ATP13A3: variants seen among roughly 807,000 people sequenced by gnomAD.
ATP13A3 encodes polyamine-transporting ATPase 13A3.
In ATP13A3, 59 loss-of-function variants were observed where a neutral mutation model predicts 158.1. The ratio of observed to expected loss-of-function variants is 0.37; its 90% CI spans 0.30 to 0.46. The LOEUF (loss-of-function observed/expected upper bound fraction) is 0.46, where lower values mean the gene tolerates loss of function less well. Ranked by LOEUF, ATP13A3 falls within the 20% of genes least tolerant of loss-of-function variation. The pLI is 1.00. For synonymous variants in ATP13A3, 491 were observed against 504.3 expected (o/e 0.97, Z 0.35); for missense variants, 1,166 against 1,525.2 (o/e 0.76, Z 3.92).
At chr3:194,462,835 C>T (rs978891055) in intron 2 of ATP13A3, among the ~76,000 whole-genome samples, 5 of 152,136 alleles carry the variant, frequency 3.3e-5, no homozygotes, top group East Asian at 1.9e-4. Context: ...TACTTAACTA[C>T]CACAAAACAT....
In ATP13A3 at chr3:194,448,729, TTA is replaced by T; in HGVS notation, c.971-95_971-94del. 1 of 1,146,046 alleles carries T rather than the reference TTA, an allele frequency of 8.7e-7. No homozygotes were observed. Among genetic ancestry groups the T allele is most frequent in the Non-Finnish European group, 1.2e-6 (1 of 822,236 alleles). The allele number at this position is 1,146,046 out of a possible 1,614,324, so 71.0% of individuals were successfully genotyped here. A position where few individuals can be genotyped will look rare whatever the true frequency, so the allele number is the denominator to read the frequency against. ...TCGAACACCAAAAAATATTAAATTG[TTA>T]AATATTTTAAATGCTACCATACTGT... On this transcript the variant is annotated intron_variant, in intron 11 of 33. Coordinates refer to ENST00000645319, the MANE Select transcript of ATP13A3 (RefSeq NM_001367549.1). This position sits in a 1 kb window ranked among gnomAD's most constrained non-coding sequence, Gnocchi z 4.0.
chr3:194,469,090 G>A (rs934330460), intron 2 of ATP13A3, among the ~76,000 whole-genome samples: 2 of 150,490 alleles, frequency 1.3e-5, no homozygotes, highest in South Asian at 2.1e-4. Flanking sequence ...CCAAGACTGC[G>A]CCACTGCACT....
intron 2 of ATP13A3, chr3:194,468,193 G>A (rs1720107835): frequency 6.6e-6 from 1 of 151,984 alleles, no homozygotes; most frequent in Non-Finnish European, 1.5e-5. Context: ...CAGAAGATGT[G>A]CCCTTCTGCC....
chr3:194,443,237 A>T lies in ATP13A3; in HGVS notation c.1559+1488T>A, dbSNP rs1306860286. Reference sequence around the variant, plus strand: ...GGAAGGGAGGAGAATAACCAAAAGTATCTTACAGTCCATAGGTTTGTTTTG... The same window carrying T: ...GGAAGGGAGGAGAATAACCAAAAGTTTCTTACAGTCCATAGGTTTGTTTTG... On this transcript the variant is annotated intron_variant, in intron 15 of 33. Coordinates refer to ENST00000645319, the MANE Select transcript of ATP13A3 (RefSeq NM_001367549.1). 2.0e-5 allele frequency among the ~76,000 whole-genome samples: 3 copies of T among 152,212 alleles called. No homozygotes were observed. The East Asian group carries it at 5.8e-4, about 29-fold the overall frequency.
chr3:194,490,380 C>T (rs1000374923), upstream of ATP13A3, among the ~76,000 whole-genome samples: 2 of 152,218 alleles, frequency 1.3e-5, no homozygotes, highest in Non-Finnish European at 2.9e-5. The surrounding 1 kb of genome is among the most constrained non-coding windows in gnomAD (Gnocchi z 4.4). Flanking sequence ...GGACACTTTG[C>T]AGGCCTTATC....
chr3:194,434,190 C>T (rs1717454205), intron 20 of ATP13A3, among the ~76,000 whole-genome samples: 1 of 152,186 alleles, frequency 6.6e-6, no homozygotes, highest in Non-Finnish European at 1.5e-5. Flanking sequence ...CTATTCTTTA[C>T]TGCCCTCTAC....
At chr3:194,425,280 C>G in intron 30 of ATP13A3, 62 bp downstream of exon 30, 1 of 1,398,076 alleles carries the variant, frequency 7.2e-7, no homozygotes, top group South Asian at 1.3e-5. Context: ...TATAATTATT[C>G]TCTTCTACAT....
Position 194,437,130 on chromosome 3 carries a change from T to A in ATP13A3, c.2085A>T (p.Ser695=). 1 of 1,614,222 alleles carries A rather than the reference T, an allele frequency of 6.2e-7. No homozygotes were observed. The highest frequency in any genetic ancestry group is 8.5e-7 in the Non-Finnish European group (1 of 1,180,042). The change falls in exon 20 of 34, where the codon TCA becomes TCT. Residue 695 remains serine (S), a synonymous_variant. Transcript: ENST00000645319. ...TCTGTACTTTATGCCATGTCAGTTT[T>A]GACTCCAATTTTCTGTGTGCAAGAG... ...VIALAHRKLE[S]KLTWHKVQNI... is the part of the protein sequence containing the mutation.
intron 2 of ATP13A3, among the ~76,000 whole-genome samples, chr3:194,474,910 T>C (rs1258442803): frequency 1.3e-5 from 2 of 152,210 alleles, no homozygotes; most frequent in Non-Finnish European, 2.9e-5. Flanking sequence ...CTAAGTAACG[T>C]GCACTGTTGC....
intron 14 of ATP13A3, among the ~76,000 whole-genome samples, chr3:194,446,436 G>A (rs1718412283): frequency 6.6e-6 from 1 of 152,188 alleles, no homozygotes; most frequent in African/African-American, 2.4e-5. Context: ...ATGGCATCCT[G>A]TCTAGGGCTG....
intron 29 of ATP13A3, 49 bp downstream of exon 29, chr3:194,427,026 T>C (rs781731148): frequency 6.4e-7 from 1 of 1,551,504 alleles, no homozygotes. Context: ...TTATATCATA[T>C]ATGTTGCACA....
chr3:194,433,656 G>C, intron 21 of ATP13A3, 116 bp downstream of exon 21: 2 of 1,300,912 alleles, frequency 1.5e-6, no homozygotes, highest in South Asian at 1.8e-5. Flanking sequence ...AGAGAACTTA[G>C]GTTGAAACCA....
intron 27 of ATP13A3, 31 bp from the exon 28 acceptor site, chr3:194,428,948 T>G: frequency 1.4e-6 from 2 of 1,422,284 alleles, no homozygotes; most frequent in Non-Finnish European, 1.9e-6. Flanking sequence ...ACATTATTAG[T>G]TTTTGGGAAT....
At chr3:194,477,405 T>G (rs1481025936) in intron 2 of ATP13A3, among the ~76,000 whole-genome samples, 1 of 152,218 alleles carries the variant, frequency 6.6e-6, no homozygotes, top group Non-Finnish European at 1.5e-5. Flanking sequence ...CTCTTCTTTT[T>G]GTGGGCAAAA....
At position 194,425,323 on chromosome 3, in the gene ATP13A3, C is replaced by T; in HGVS notation, c.3313+19G>A. 2.5e-6 allele frequency: 4 copies of T among 1,603,302 alleles called. No homozygotes were observed. The highest frequency in any genetic ancestry group is 3.4e-6 in the Non-Finnish European group (4 of 1,172,720). On this transcript the variant is annotated intron_variant, in intron 30 of 33. Transcript: ENST00000645319. ...AAAGGGGCAAGCAGGGTGGAAATCA[C>T]AATAAATGCCAAACTTACAATTTTT... is the stretch of plus-strand genomic sequence containing the variant.
Position 194,460,840 on chromosome 3 carries a change from A to T in ATP13A3, c.52-9T>A. 1 of 1,610,608 alleles carries T rather than the reference A, an allele frequency of 6.2e-7. No individual in the cohort carries two copies. Among genetic ancestry groups the T allele is most frequent in the Non-Finnish European group, 8.5e-7 (1 of 1,178,234 alleles). ...TTGTAACCATAAATCTCCTGCATGG[A>T]CACAGCGATCACATGATTAATTATC... is the stretch of plus-strand genomic sequence containing the variant. On this transcript the variant is annotated splice_polypyrimidine_tract_variant and intron_variant, in intron 3 of 33. Coordinates refer to ENST00000645319, the MANE Select transcript of ATP13A3 (RefSeq NM_001367549.1).
At chr3:194,409,743 C>G (rs1436662259) in intron 33 of ATP13A3, among the ~76,000 whole-genome samples, 1 of 121,926 alleles carries the variant, frequency 8.2e-6, no homozygotes, top group Non-Finnish European at 1.6e-5. Flanking sequence ...AGTATTAACA[C>G]CCGGGGCTGC....
At chr3:194,442,533 A>T (rs1192088414) in intron 15 of ATP13A3, among the ~76,000 whole-genome samples, 2 of 152,242 alleles carry the variant, frequency 1.3e-5, no homozygotes, top group Non-Finnish European at 2.9e-5. Context: ...AAAATTAGAC[A>T]TACAAAGAGT....
At chr3:194,485,054 C>T (rs1720912225) in intron 2 of ATP13A3, among the ~76,000 whole-genome samples, 1 of 138,570 alleles carries the variant, frequency 7.2e-6, no homozygotes, top group South Asian at 2.2e-4. Context: ...AAGATGCCAT[C>T]TCAAAAAAAA....
Sources: gnomAD v4.1 joint callset for allele counts (sites outside exome capture counted in the v4.1 genomes callset) on GRCh38, gnomAD v4.1.1 for gene constraint, Gnocchi (gnomAD v3.1) non-coding constraint, MANE v1.5 for transcripts, NCBI Gene and HGNC (gene_info 2026-07-23, HGNC 2026-07-21) for gene names.